The following CC2D2A variants were observed in gnomAD, a reference collection of about 807,000 sequenced individuals.
CC2D2A encodes the protein coiled-coil and C2 domain-containing protein 2A.
Under a neutral mutation model 212.9 loss-of-function variants are expected in CC2D2A, and 155 were observed. The ratio of observed to expected loss-of-function variants is 0.73; its 90% CI spans 0.64 to 0.83. The LOEUF is 0.83. Ranked by LOEUF, CC2D2A falls within the 40% of genes least tolerant of loss-of-function variation. The pLI is 0.00. For missense variants in CC2D2A, 1,856 were observed against 1,956.2 expected (o/e 0.95, Z 0.97); for synonymous variants, 667 against 686.5 (o/e 0.97, Z 0.44).
At chr4:15,512,047 G>A (rs552720665) in intron 8 of CC2D2A, among the ~76,000 whole-genome samples, 9 of 152,158 alleles carry the variant, frequency 5.9e-5, no homozygotes, top group South Asian at 4.1e-4. Context: ...TTAGAATGGC[G>A]CTTATCAAAA....
At chr4:15,475,037 A>G (rs1436828179) in intron 1 of CC2D2A, among the ~76,000 whole-genome samples, 1 of 152,208 alleles carries the variant, frequency 6.6e-6, no homozygotes, top group Non-Finnish European at 1.5e-5. Flanking sequence ...GCACTTTGTG[A>G]GGCCCAGGCA....
rs1719535877 is a variant in CC2D2A at position 15,560,622 on chromosome 4, G to A, written c.3014G>A (p.Ser1005Asn). ...GTAGAAGAAGAAGTTCCCAATATCAGGTAAAAATAATCAAAGCCATTATTA... is the reference window on the plus strand; with the variant it reads ...GTAGAAGAAGAAGTTCCCAATATCAAGTAAAAATAATCAAAGCCATTATTA... ...MIVEEEVPNI[S>N]ILGLSLFKLA... The change falls in exon 23 of 37, where the codon AGC (serine) becomes AAC (asparagine). Residue 1005 changes from serine to asparagine, a missense_variant and splice_region_variant. Transcript: ENST00000424120. The A allele has an allele frequency of 3.9e-6, 5 of 1,285,444 alleles. No individual in the cohort carries two copies. Among genetic ancestry groups the A allele is most frequent in the East Asian group, 4.9e-5 (2 of 40,766 alleles). 79.6% of individuals were successfully genotyped at this position (1,285,444 alleles called of 1,614,324 possible).
chr4:15,477,729 A>G (rs1714320913), intron 2 of CC2D2A, among the ~76,000 whole-genome samples: 1 of 152,164 alleles, frequency 6.6e-6, no homozygotes, highest in South Asian at 2.1e-4. Flanking sequence ...AGATCAGGTC[A>G]CATACACAAA....
At chr4:15,558,916 T>C (rs1256244248) in intron 21 of CC2D2A, among the ~76,000 whole-genome samples, 1 of 152,206 alleles carries the variant, frequency 6.6e-6, no homozygotes, top group Non-Finnish European at 1.5e-5. Context: ...CTCTATTTCT[T>C]CCTGACTTAA....
intron 3 of CC2D2A, 123 bp downstream of exon 3, chr4:15,478,929 C>A: frequency 1.2e-6 from 1 of 803,510 alleles, no homozygotes; most frequent in Non-Finnish European, 2.1e-6. Context: ...TTTTGGCCTG[C>A]TCTGGGGGGC....
At position 15,585,146 on chromosome 4, in the gene CC2D2A, T is replaced by C. The variant is rs557601328; in HGVS notation, c.3976-1011T>C. Reference sequence around the variant, plus strand: ...GATCTGGCAATCCCATTACTAGGTATATATCCAAAGGAAATGAAATCAGTA... The same window carrying C: ...GATCTGGCAATCCCATTACTAGGTACATATCCAAAGGAAATGAAATCAGTA... On this transcript the variant is annotated intron_variant, in intron 30 of 36. Transcript: ENST00000424120. Among the ~76,000 whole-genome samples, 3 of 152,344 alleles carry C rather than the reference T, an allele frequency of 2.0e-5. No homozygotes were observed. The South Asian group carries it at 6.2e-4, about 32-fold the overall frequency.
rs73799881 is a variant in CC2D2A at position 15,471,559 on chromosome 4, C to A, written c.-19+1502C>A. On this transcript the variant is annotated intron_variant, in intron 1 of 36. Coordinates refer to ENST00000424120, the MANE Select transcript of CC2D2A (RefSeq NM_001378615.1). ...CCTGTGCTAGGCATTTTACTACACA[C>A]ATTTCATCATTTAGCCCTTATAAAT... 6.5e-3 allele frequency among the ~76,000 whole-genome samples: 986 copies of A among 151,672 alleles called. 13 individuals are homozygous for A. The highest frequency in any genetic ancestry group is 0.022 in the African/African-American group (929 of 41,328).
chr4:15,511,242 G>T lies in CC2D2A; in HGVS notation c.541-5G>T. Reference sequence around the variant, plus strand: ...AAATTGCGATTGCTCCTTGCTTTTCGTTAGGTTCCACCTGGCTTCCCTTCT... The same window carrying T: ...AAATTGCGATTGCTCCTTGCTTTTCTTTAGGTTCCACCTGGCTTCCCTTCT... On this transcript the variant is annotated splice_region_variant and splice_polypyrimidine_tract_variant and intron_variant, in intron 7 of 36. Transcript: ENST00000424120. 1.3e-6 allele frequency: 2 copies of T among 1,592,134 alleles called. No homozygotes were observed. Among genetic ancestry groups the T allele is most frequent in the African/African-American group, 1.3e-5 (1 of 74,078 alleles).
rs1385895687 is a variant in CC2D2A at position 15,553,243 on chromosome 4, C to T, written c.2424C>T (p.Ala808=). The change falls in exon 19 of 37, where the codon GCC becomes GCT. Residue 808 remains alanine (A), a synonymous_variant. Coordinates refer to ENST00000424120, the MANE Select transcript of CC2D2A (RefSeq NM_001378615.1). ...SGKVSHSVAW[A]IGENGIPLIP... is the part of the protein sequence containing the mutation. ...AAGTGTCTCATAGTGTGGCATGGGC[C>T]ATTGGAGAAAACGGGATACCTTTAA... is the stretch of plus-strand genomic sequence containing the variant. 6.2e-7 allele frequency: 1 copy of T among 1,613,100 alleles called. No homozygotes were observed. Among genetic ancestry groups the T allele is most frequent in the Admixed American group, 1.7e-5 (1 of 59,894 alleles).
At chr4:15,516,057 T>G in intron 10 of CC2D2A, 53 bp downstream of exon 10, 1 of 1,458,122 alleles carries the variant, frequency 6.9e-7, no homozygotes, top group Non-Finnish European at 9.1e-7. Flanking sequence ...TAGACATAGC[T>G]TTTATTTTCC....
At chr4:15,482,422 G>A in intron 4 of CC2D2A, 1 of 523,870 alleles carries the variant, frequency 1.9e-6, no homozygotes. Context: ...GGACATCTGA[G>A]ATCATGGTGC....
At chr4:15,600,632 A>G (rs1359936953) in intron 36 of CC2D2A, among the ~76,000 whole-genome samples, 1 of 152,048 alleles carries the variant, frequency 6.6e-6, no homozygotes, top group African/African-American at 2.4e-5. Context: ...GTCGGGCGCT[A>G]TGGCTCACAC....
chr4:15,490,554 C>T (rs7439105), intron 4 of CC2D2A, among the ~76,000 whole-genome samples: 119,331 of 152,114 alleles, frequency 0.78, 46,937 homozygotes, highest in East Asian at 0.91. Flanking sequence ...CACCTGTTGA[C>T]GGACATGTGG....
intron 11 of CC2D2A, among the ~76,000 whole-genome samples, chr4:15,517,979 C>T (rs1716980633): frequency 6.6e-6 from 1 of 152,128 alleles, no homozygotes. Context: ...AGGAAAGACC[C>T]ACCCCCATAA....
chr4:15,599,932 T>C (rs1399080793), intron 36 of CC2D2A, among the ~76,000 whole-genome samples: 1 of 152,170 alleles, frequency 6.6e-6, no homozygotes, highest in Non-Finnish European at 1.5e-5. Context: ...ATACCTTTTA[T>C]GAAATACATT....
intron 11 of CC2D2A, 64 bp downstream of exon 11, chr4:15,516,820 CT>C: frequency 6.6e-7 from 1 of 1,506,178 alleles, no homozygotes; most frequent in Non-Finnish European, 9.0e-7. Context: ...TTCTGAATAG[CT>C]TGGGGTGCTA....
chr4:15,588,316 T>G (rs1720942434), intron 32 of CC2D2A, among the ~76,000 whole-genome samples: 1 of 152,138 alleles, frequency 6.6e-6, no homozygotes, highest in African/African-American at 2.4e-5. Flanking sequence ...AGGTTAGAGA[T>G]CTCTCCTTTC....
At chr4:15,541,086 C>T (rs1718412069) in intron 17 of CC2D2A, 72 bp downstream of exon 17, 1 of 1,272,292 alleles carries the variant, frequency 7.9e-7, no homozygotes, top group Non-Finnish European at 1.1e-6. Context: ...CCAAGGTGGG[C>T]AGATCACTTA....
At chr4:15,561,119 C>G (rs970158682) in intron 23 of CC2D2A, among the ~76,000 whole-genome samples, 1 of 152,160 alleles carries the variant, frequency 6.6e-6, no homozygotes, top group African/African-American at 2.4e-5. Context: ...GAGTGTAGAA[C>G]AGCAGGAAAG....
Sources: gnomAD v4.1 joint callset for allele counts (sites outside exome capture counted in the v4.1 genomes callset) on GRCh38, gnomAD v4.1.1 for gene constraint, MANE v1.5 for transcripts, NCBI Gene and HGNC (gene_info 2026-07-23, HGNC 2026-07-21) for gene names.